Variants in NALF1 observed in about 807,000 individuals in gnomAD.
NALF1 encodes the protein NALCN channel auxiliary factor 1.
Under a neutral mutation model 48.4 loss-of-function variants are expected in NALF1, and 3 were observed. The ratio of observed to expected loss-of-function variants is 0.06; its 90% CI spans 0.03 to 0.16. The LOEUF (loss-of-function observed/expected upper bound fraction) is 0.16, where lower values mean the gene tolerates loss of function less well. Ranked by LOEUF, NALF1 falls within the 10% of genes least tolerant of loss-of-function variation. NALF1 has a pLI of 1.00. For synonymous variants in NALF1, 262 were observed against 245.7 expected (o/e 1.07, Z -0.62); for missense variants, 526 against 571.5 (o/e 0.92, Z 0.81).
At chr13:107,329,888 C>T (rs1882436743) in intron 1 of NALF1, among the ~76,000 whole-genome samples, 2 of 152,096 alleles carry the variant, frequency 1.3e-5, no homozygotes, top group Non-Finnish European at 2.9e-5. Context: ...ATTGTCCTTA[C>T]AGATTTTATT....
In NALF1 at chr13:107,289,999, A is replaced by G. The variant is rs935081746; in HGVS notation, c.916-79244T>C. ...TTCAGGAGAACAAGGGTGGCAGGTA[A>G]CAGGATGTTTCCACTTCGGGTTCTG... On this transcript the variant is annotated intron_variant, in intron 1 of 2. Coordinates refer to ENST00000375915, the MANE Select transcript of NALF1 (RefSeq NM_001080396.3). Among the ~76,000 whole-genome samples, 4 of 152,144 alleles carry G rather than the reference A, an allele frequency of 2.6e-5. No homozygotes were observed. The South Asian group carries it at 6.2e-4, about 24-fold the overall frequency.
intron 1 of NALF1, among the ~76,000 whole-genome samples, chr13:107,650,525 T>C (rs187422041): frequency 6.6e-6 from 1 of 151,624 alleles, no homozygotes; most frequent in African/African-American, 2.4e-5. Flanking sequence ...AGGTGGGAGC[T>C]AAGTTAGGAG....
chr13:107,537,822 A>G (rs1876878734), intron 1 of NALF1, among the ~76,000 whole-genome samples: 1 of 152,118 alleles, frequency 6.6e-6, no homozygotes, highest in Admixed American at 6.6e-5. Context: ...GTTCAAGACC[A>G]GCCTGGCCAA....
chr13:107,582,895 A>G (rs1300411144), intron 1 of NALF1, among the ~76,000 whole-genome samples: 4 of 152,164 alleles, frequency 2.6e-5, no homozygotes, highest in Non-Finnish European at 5.9e-5. Context: ...ACTGCTCCAT[A>G]CACTGCTTTC....
intron 1 of NALF1, among the ~76,000 whole-genome samples, chr13:107,451,105 C>T (rs74114539): frequency 0.02 from 2,974 of 152,266 alleles, 102 homozygotes; most frequent in African/African-American, 0.068. Context: ...TCCACTGAGT[C>T]GACCCCACGT....
chr13:107,380,977 C>CAAAAAA (rs1216225434), intron 1 of NALF1, among the ~76,000 whole-genome samples: 1 of 53,414 alleles, frequency 1.9e-5, no homozygotes. Flanking sequence ...GACACGGTCT[C>CAAAAAA]AAAAAAAAAA....
At chr13:107,692,794 A>G (rs114934660) in intron 1 of NALF1, among the ~76,000 whole-genome samples, 1,783 of 152,294 alleles carry the variant, frequency 0.012, 37 homozygotes, top group African/African-American at 0.041. Context: ...TCTACTCACT[A>G]TGGTTGTATG....
chr13:107,630,476 C>A (rs1301988392), intron 1 of NALF1, among the ~76,000 whole-genome samples: 2 of 152,058 alleles, frequency 1.3e-5, no homozygotes, highest in Non-Finnish European at 2.9e-5. Context: ...TTATAGTACT[C>A]AAAAGTCATC....
At chr13:107,793,979 T>C (rs759972586) in intron 1 of NALF1, among the ~76,000 whole-genome samples, 2 of 152,230 alleles carry the variant, frequency 1.3e-5, no homozygotes, top group Non-Finnish European at 2.9e-5. Flanking sequence ...CAGGACAATA[T>C]GTCTGTAGAC....
intron 1 of NALF1, among the ~76,000 whole-genome samples, chr13:107,511,056 A>G (rs960815382): frequency 6.6e-6 from 1 of 152,082 alleles, no homozygotes; most frequent in Non-Finnish European, 1.5e-5. Flanking sequence ...GAGTCCTCCT[A>G]ATACCTTCTT....
rs1025437965 is a variant in NALF1 at position 107,750,353 on chromosome 13, T to C, written c.915+115329A>G. Among the ~76,000 whole-genome samples, 25 of 152,268 alleles carry C rather than the reference T, an allele frequency of 1.6e-4. 1 individual carries two copies. Among genetic ancestry groups the C allele is most frequent in the Middle Eastern group, 3.4e-3 (1 of 294 alleles). On this transcript the variant is annotated intron_variant, in intron 1 of 2. Coordinates refer to ENST00000375915, the MANE Select transcript of NALF1 (RefSeq NM_001080396.3). ...TGCCTACAGTAACCATGGGAAATGA[T>C]TTCTCAGAAAATACAGGAAGCTATG...
intron 1 of NALF1, among the ~76,000 whole-genome samples, chr13:107,788,176 T>C (rs888515712): frequency 1.3e-5 from 2 of 152,174 alleles, no homozygotes; most frequent in African/African-American, 2.4e-5. Context: ...ATTTTCTTCA[T>C]CCTATCATCC....
intron 1 of NALF1, among the ~76,000 whole-genome samples, chr13:107,239,564 C>G (rs185288275): frequency 6.4e-4 from 97 of 152,312 alleles, no homozygotes; most frequent in Non-Finnish European, 1.5e-5. Flanking sequence ...AAGACTTCAA[C>G]CTATCTTTTT....
chr13:107,469,733 C>CTTTTTTTTTTTTTTTTTTTTTTT (rs61241553), intron 1 of NALF1, among the ~76,000 whole-genome samples: 1 of 79,956 alleles, frequency 1.3e-5, no homozygotes, highest in Non-Finnish European at 2.2e-5. Flanking sequence ...AACTGTGTAT[C>CTTTTTTTTTTTTTTTTTTTTTTT]TTTTTTTTTT....
intron 1 of NALF1, among the ~76,000 whole-genome samples, chr13:107,793,903 G>A (rs75212288): frequency 0.02 from 3,060 of 151,804 alleles, 46 homozygotes; most frequent in Middle Eastern, 0.038. Context: ...AGAATAAAAT[G>A]AGTGTGACTA....
At chr13:107,661,278 CT>C (rs1191839822) in intron 1 of NALF1, among the ~76,000 whole-genome samples, 1 of 152,104 alleles carries the variant, frequency 6.6e-6, no homozygotes, top group African/African-American at 2.4e-5. Context: ...AAATGAAAAC[CT>C]TTTCATCACT....
chr13:107,499,953 T>C (rs1875463064), intron 1 of NALF1, among the ~76,000 whole-genome samples: 1 of 152,218 alleles, frequency 6.6e-6, no homozygotes, highest in Admixed American at 6.5e-5. Context: ...CTCATTCTAA[T>C]ATTCCATTTA....
rs1878910702 is a variant in NALF1 at position 107,175,623 on chromosome 13, T to C, written c.1088-4837A>G. 2.6e-5 allele frequency among the ~76,000 whole-genome samples: 4 copies of C among 152,188 alleles called. 1 individual carries two copies. The highest frequency in any genetic ancestry group is 2.6e-4 in the Admixed American group (4 of 15,278). On this transcript the variant is annotated intron_variant, in intron 2 of 2. Transcript: ENST00000375915. The stretch of plus-strand genomic sequence containing the variant: ...TCTGACTTGAATTCTGACAGATGCC[T>C]TTTTCTCTGTCAAATGCATTTCTGA...
chr13:107,698,361 T>C (rs899675712), intron 1 of NALF1, among the ~76,000 whole-genome samples: 5 of 152,090 alleles, frequency 3.3e-5, no homozygotes, highest in African/African-American at 9.7e-5. Context: ...AATTTACACA[T>C]CCAAGAGCAA....
Sources: gnomAD v4.1 joint callset for allele counts (sites outside exome capture counted in the v4.1 genomes callset) on GRCh38, gnomAD v4.1.1 for gene constraint, MANE v1.5 for transcripts, NCBI Gene and HGNC (gene_info 2026-07-23, HGNC 2026-07-21) for gene names.